The following CTNND2 variants were observed in gnomAD, a reference collection of about 807,000 sequenced individuals.
The protein encoded by CTNND2 is catenin delta 2.
In CTNND2, 22 loss-of-function variants were observed where a neutral mutation model predicts 144.4. The observed-to-expected ratio is 0.15, with a 90% CI of 0.11 to 0.22. The LOEUF (loss-of-function observed/expected upper bound fraction) is 0.22. Among genes scored for constraint, CTNND2 ranks in the 10% least tolerant of loss-of-function variants. The pLI, the probability that CTNND2 is intolerant of heterozygous loss-of-function variation, is 1.00. For missense variants in CTNND2, 1,353 were observed against 1,618.8 expected (o/e 0.84, Z 2.82); for synonymous variants, 751 against 695.6 (o/e 1.08, Z -1.25).
At chr5:11,437,433 C>T (rs570707768) in intron 3 of CTNND2, among the ~76,000 whole-genome samples, 5 of 152,140 alleles carry the variant, frequency 3.3e-5, no homozygotes, top group Non-Finnish European at 5.9e-5. Context: ...ATCCAGCAAG[C>T]GGGCACAAAG....
chr5:11,803,552 T>C (rs533579406), intron 1 of CTNND2, among the ~76,000 whole-genome samples: 11 of 152,220 alleles, frequency 7.2e-5, no homozygotes, highest in Admixed American at 3.9e-4. Flanking sequence ...TCCACTGAAC[T>C]GAAGATGAGA....
chr5:11,767,202 C>T (rs1463495539), intron 1 of CTNND2, among the ~76,000 whole-genome samples: 1 of 152,260 alleles, frequency 6.6e-6, no homozygotes, highest in African/African-American at 2.4e-5. Context: ...TGAATAGCAT[C>T]TCCTAGAATT....
rs1241882950 is a variant in CTNND2, at chr5:11,110,927, G to A, written c.2394C>T (p.Ala798=). Residue 798 remains alanine, a synonymous_variant, in exon 14 of 22, where the codon GCC becomes GCT. Coordinates refer to ENST00000304623, the MANE Select transcript of CTNND2 (RefSeq NM_001332.4). ...CAGAGCTCTCAGCATCCTTGCCATT[G>A]GCCTCGCCACAGAGTAGCCCGTCCA... ...DELDGLLCGE[A]NGKDAESSGC... is the part of the protein sequence containing the mutation. 1.2e-6 allele frequency: 2 copies of A among 1,614,048 alleles called. No homozygotes were observed. Among genetic ancestry groups the A allele is most frequent in the Admixed American group, 3.3e-5 (2 of 60,006 alleles).
chr5:11,439,898 T>C (rs1764119091), intron 3 of CTNND2, among the ~76,000 whole-genome samples: 1 of 152,000 alleles, frequency 6.6e-6, no homozygotes, highest in Non-Finnish European at 1.5e-5. Flanking sequence ...CTTGAATACC[T>C]AGTCTCAAGT....
At chr5:11,464,972 C>G (rs1180372753) in intron 3 of CTNND2, among the ~76,000 whole-genome samples, 1 of 152,074 alleles carries the variant, frequency 6.6e-6, no homozygotes, top group East Asian at 1.9e-4. Context: ...GGCTGAGATC[C>G]CAAAATGATC....
intron 2 of CTNND2, among the ~76,000 whole-genome samples, chr5:11,718,143 T>C (rs564725621): frequency 6.6e-6 from 1 of 152,328 alleles, no homozygotes; most frequent in African/African-American, 2.4e-5. Context: ...GTAGCTACTA[T>C]GCAAAGAGCA....
intron 16 of CTNND2, among the ~76,000 whole-genome samples, chr5:11,062,592 T>C (rs1480016428): frequency 1.3e-5 from 2 of 152,242 alleles, no homozygotes; most frequent in African/African-American, 4.8e-5. Context: ...ATTCTTCTAA[T>C]GTTAACCCTT....
At chr5:11,181,182 C>T (rs1174634091) in intron 11 of CTNND2, among the ~76,000 whole-genome samples, 1 of 152,118 alleles carries the variant, frequency 6.6e-6, no homozygotes, top group Non-Finnish European at 1.5e-5. Context: ...ATTTGACTCG[C>T]CCTTAGCCCA....
At chr5:11,704,674 C>A (rs192389863) in intron 2 of CTNND2, among the ~76,000 whole-genome samples, 3 of 151,962 alleles carry the variant, frequency 2.0e-5, no homozygotes, top group Admixed American at 2.0e-4. Context: ...TGTACTTAAG[C>A]CCACCTCTAA....
At chr5:11,420,562 C>G (rs995931075) in intron 3 of CTNND2, among the ~76,000 whole-genome samples, 1 of 152,118 alleles carries the variant, frequency 6.6e-6, no homozygotes, top group African/African-American at 2.4e-5. Flanking sequence ...GAGTGATCCC[C>G]CACTGAGCTC....
intron 11 of CTNND2, among the ~76,000 whole-genome samples, chr5:11,183,773 G>A (rs2149804411): frequency 6.6e-6 from 1 of 151,946 alleles, no homozygotes; most frequent in East Asian, 1.9e-4. Flanking sequence ...TGGCCAGGCT[G>A]GTCTCGAACC....
At chr5:11,123,246 A>G (rs1318585555) in intron 12 of CTNND2, among the ~76,000 whole-genome samples, 1 of 152,116 alleles carries the variant, frequency 6.6e-6, no homozygotes, top group East Asian at 1.9e-4. Flanking sequence ...GCATCATCTT[A>G]TTTGGTTGTT....
At chr5:11,302,475 A>G (rs533665682) in intron 9 of CTNND2, among the ~76,000 whole-genome samples, 1 of 152,286 alleles carries the variant, frequency 6.6e-6, no homozygotes, top group East Asian at 1.9e-4. Context: ...ACTTCCTTAC[A>G]AGGGGCCACA....
At chr5:11,629,259 AAACAACAACAAC>A (rs36078228) in intron 2 of CTNND2, among the ~76,000 whole-genome samples, 240 of 151,908 alleles carry the variant, frequency 1.6e-3, no homozygotes, top group African/African-American at 5.6e-3. Flanking sequence ...CGGAAAAGTT[AAACAACAACAAC>A]AACAACAACA....
intron 9 of CTNND2, among the ~76,000 whole-genome samples, chr5:11,268,813 G>A (rs1038152951): frequency 9.2e-5 from 14 of 152,144 alleles, no homozygotes; most frequent in African/African-American, 3.1e-4. Context: ...TCAAAATTAC[G>A]GGTAATTTTT....
At chr5:11,500,718 T>C (rs563259095) in intron 3 of CTNND2, among the ~76,000 whole-genome samples, 2 of 152,304 alleles carry the variant, frequency 1.3e-5, no homozygotes, top group African/African-American at 2.4e-5. Flanking sequence ...ATTACTCCAA[T>C]AGCTACATAT....
At chr5:11,028,059 A>G (rs901597472) in intron 16 of CTNND2, among the ~76,000 whole-genome samples, 6 of 152,262 alleles carry the variant, frequency 3.9e-5, no homozygotes, top group Non-Finnish European at 8.8e-5. Context: ...TCTCTAAGGC[A>G]GCAGACAACA....
intron 9 of CTNND2, among the ~76,000 whole-genome samples, chr5:11,288,415 T>C (rs1747972445): frequency 6.6e-6 from 1 of 152,192 alleles, no homozygotes; most frequent in African/African-American, 2.4e-5. Context: ...AAAATTCTAA[T>C]TGAATTACTT....
intron 3 of CTNND2, among the ~76,000 whole-genome samples, chr5:11,492,804 C>T (rs1054300593): frequency 6.6e-6 from 1 of 151,936 alleles, no homozygotes; most frequent in Admixed American, 6.6e-5. Context: ...GGTGTGGTGG[C>T]TCACGCCTGT....
Sources: gnomAD v4.1 joint callset for allele counts (sites outside exome capture counted in the v4.1 genomes callset) on GRCh38, gnomAD v4.1.1 for gene constraint, MANE v1.5 for transcripts, NCBI Gene and HGNC (gene_info 2026-07-23, HGNC 2026-07-21) for gene names.